PTPRT: variants seen among roughly 807,000 people sequenced by gnomAD.
PTPRT encodes protein tyrosine phosphatase receptor type T.
PTPRT carries 56 observed loss-of-function variants against 176.8 expected under a neutral mutation model. The observed-to-expected ratio is 0.32, with a 90% CI of 0.26 to 0.40. The LOEUF (loss-of-function observed/expected upper bound fraction) is 0.40, where lower values mean the gene tolerates loss of function less well. Among genes scored for constraint, PTPRT ranks in the 10% least tolerant of loss-of-function variants. PTPRT has a pLI of 1.00. For missense variants in PTPRT, 1,540 were observed against 1,908.2 expected, an observed-to-expected ratio of 0.81 and a Z score of 3.60; for synonymous variants, 783 against 739.0, an observed-to-expected ratio of 1.06 and a Z score of -0.96.
the PTPRT span, among the ~76,000 whole-genome samples, chr20:42,062,682 C>CT: frequency 6.6e-6 from 1 of 152,196 alleles, no homozygotes; most frequent in African/African-American, 2.4e-5. Flanking sequence ...CCTCTGCCCC[C>CT]TTTTTTTCCC....
chr20:43,060,413 G>T (rs1987408650), intron 1 of PTPRT, among the ~76,000 whole-genome samples: 1 of 152,108 alleles, frequency 6.6e-6, no homozygotes, highest in Admixed American at 6.5e-5. Context: ...TGATTTATAA[G>T]AGCTTTCTTT....
At chr20:42,981,247 G>T (rs1983254951) in intron 1 of PTPRT, among the ~76,000 whole-genome samples, 1 of 152,120 alleles carries the variant, frequency 6.6e-6, no homozygotes, top group Non-Finnish European at 1.5e-5. Context: ...GAACTTCAGG[G>T]TCCCTATCCA....
rs556398245 is a variant in PTPRT at position 43,092,359 on chromosome 20, T to A, written c.88+97287A>T. The stretch of plus-strand genomic sequence containing the variant: ...TTTCCAGATGTCCATTACATCAGAA[T>A]GTCTGTGCAGGAGGCTTCCCAAATG... On this transcript the variant is annotated intron_variant, in intron 1 of 30. Transcript: ENST00000373187. Among the ~76,000 whole-genome samples the A allele has an allele frequency of 2.2e-4, 33 of 152,350 alleles. No homozygotes were observed. The South Asian group carries it at 6.0e-3, about 28-fold the overall frequency.
chr20:42,534,034 G>A (rs546227691), intron 7 of PTPRT, among the ~76,000 whole-genome samples: 1 of 152,300 alleles, frequency 6.6e-6, no homozygotes, highest in South Asian at 2.1e-4. Context: ...ACTGAAGGAA[G>A]ACAGGTCACC....
At chr20:43,184,662 G>A (rs762871207) in intron 1 of PTPRT, among the ~76,000 whole-genome samples, 13 of 151,934 alleles carry the variant, frequency 8.6e-5, no homozygotes, top group Non-Finnish European at 1.5e-4. Flanking sequence ...GCTCCAGCCC[G>A]GCGACAGAGC....
At chr20:42,630,416 T>C (rs1024028689) in intron 7 of PTPRT, among the ~76,000 whole-genome samples, 5 of 152,212 alleles carry the variant, frequency 3.3e-5, no homozygotes, top group South Asian at 2.1e-4. Context: ...GATAAACTAA[T>C]ACAACAGCCC....
chr20:42,162,027 G>T (rs1285866512), intron 16 of PTPRT, among the ~76,000 whole-genome samples: 1 of 152,146 alleles, frequency 6.6e-6, no homozygotes, highest in Non-Finnish European at 1.5e-5. Context: ...CTGTGACCTG[G>T]CTTCTCTACT....
At chr20:43,104,783 T>C (rs2012530473) in intron 1 of PTPRT, among the ~76,000 whole-genome samples, 1 of 152,188 alleles carries the variant, frequency 6.6e-6, no homozygotes, top group Non-Finnish European at 1.5e-5. Flanking sequence ...GCAGAATTCA[T>C]TTCCCTCATC....
intron 1 of PTPRT, among the ~76,000 whole-genome samples, chr20:43,107,409 A>C (rs2012663848): frequency 6.6e-6 from 1 of 152,248 alleles, no homozygotes; most frequent in Admixed American, 6.5e-5. Context: ...TCTCCCATAA[A>C]GTAAAGTGGC....
At chr20:43,079,748 T>C (rs2011387617) in intron 1 of PTPRT, among the ~76,000 whole-genome samples, 1 of 152,214 alleles carries the variant, frequency 6.6e-6, no homozygotes. Context: ...AACCCTCTAC[T>C]GCTAAGGGTT....
At chr20:42,184,518 C>CCTCCTCCTT (rs1555797922) in intron 16 of PTPRT, among the ~76,000 whole-genome samples, 3 of 54,398 alleles carry the variant, frequency 5.5e-5, no homozygotes, top group Non-Finnish European at 1.4e-4. Flanking sequence ...TCCTCCTCCT[C>CCTCCTCCTT]CTTCTTCTTC....
intron 1 of PTPRT, among the ~76,000 whole-genome samples, chr20:43,015,493 C>T (rs921252907): frequency 1.3e-5 from 2 of 152,084 alleles, no homozygotes; most frequent in African/African-American, 4.8e-5. Flanking sequence ...TCCATGTATG[C>T]AGGAAAGTTA....
At chr20:42,066,157 A>G in the PTPRT span, among the ~76,000 whole-genome samples, 1 of 149,766 alleles carries the variant, frequency 6.7e-6, no homozygotes, top group African/African-American at 2.5e-5. Context: ...CTCCTGCCTC[A>G]GCCTCCTGAG....
chr20:42,288,024 A>C (rs79715581), intron 12 of PTPRT, among the ~76,000 whole-genome samples: 3 of 151,992 alleles, frequency 2.0e-5, no homozygotes, highest in African/African-American at 7.2e-5. Flanking sequence ...TTGTTACAAC[A>C]TGCAAATTTA....
chr20:42,525,372 A>G (rs976339243), intron 7 of PTPRT, among the ~76,000 whole-genome samples: 1 of 152,200 alleles, frequency 6.6e-6, no homozygotes, highest in African/African-American at 2.4e-5. Flanking sequence ...CATAAGCTTT[A>G]TTCAGGGTGG....
At chr20:42,376,828 A>G (rs1568825590) in intron 9 of PTPRT, among the ~76,000 whole-genome samples, 1 of 152,054 alleles carries the variant, frequency 6.6e-6, no homozygotes, top group Non-Finnish European at 1.5e-5. Context: ...ATAGTGGGGG[A>G]GATGAGCAAG....
At chr20:42,735,009 T>C (rs564336772) in intron 6 of PTPRT, among the ~76,000 whole-genome samples, 2 of 152,320 alleles carry the variant, frequency 1.3e-5, no homozygotes, top group African/African-American at 4.8e-5. Flanking sequence ...AGAGTGAATC[T>C]TTGCAGAAAA....
intron 17 of PTPRT, among the ~76,000 whole-genome samples, chr20:42,147,465 C>A (rs1376932613): frequency 6.6e-6 from 1 of 152,320 alleles, no homozygotes; most frequent in East Asian, 1.9e-4. Context: ...CTTTACTCAA[C>A]CTCACTGCAC....
Position 42,345,370 on chromosome 20 carries a change from C to T in PTPRT, c.1865+5258G>A, listed in dbSNP as rs1268443972. Among the ~76,000 whole-genome samples the T allele has an allele frequency of 1.3e-4, 10 of 74,434 alleles. No homozygotes were observed. The East Asian group carries it at 0.017, about 128-fold the overall frequency. The allele number at this position is 74,434 out of a possible 152,430, so 48.8% of individuals were successfully genotyped here. A position where few individuals can be genotyped will look rare whatever the true frequency, so the allele number is the denominator to read the frequency against. ...AGAGGTAGCTGAAGGCATATATACACACACACACACACACACACACACATA... is the reference window on the plus strand; with the variant it reads ...AGAGGTAGCTGAAGGCATATATACATACACACACACACACACACACACATA... On this transcript the variant is annotated intron_variant, in intron 11 of 30. Transcript: ENST00000373187.
Sources: allele counts gnomAD v4.1 joint callset (sites outside exome capture counted in the v4.1 genomes callset), GRCh38; gene constraint gnomAD v4.1.1; transcripts MANE v1.5; gene names NCBI Gene and HGNC (gene_info 2026-07-23, HGNC 2026-07-21).